CLASP1: variants seen among roughly 807,000 people sequenced by gnomAD.
CLASP1 encodes cytoplasmic linker associated protein 1.
A neutral mutation model predicts 192.3 loss-of-function variants in CLASP1; 38 were observed. The ratio of observed to expected loss-of-function variants is 0.20; its 90% confidence interval spans 0.15 to 0.26. CLASP1 has a LOEUF of 0.26. Among genes scored for constraint, CLASP1 ranks in the 10% least tolerant of loss-of-function variants. The probability of loss-of-function intolerance (pLI) is 1.00; values close to 1 mark genes in which losing one functional copy is unlikely to be tolerated. For synonymous variants in CLASP1, 691 were observed against 712.8 expected (o/e 0.97, Z 0.49); for missense variants, 1,433 against 1,932.5 (o/e 0.74, Z 4.85).
chr2:121,618,556 T>C (rs2066822645), intron 1 of CLASP1, among the ~76,000 whole-genome samples: 2 of 152,180 alleles, frequency 1.3e-5, no homozygotes, highest in African/African-American at 2.4e-5. Context: ...ATTCCATACA[T>C]ACACCAAGAA....
At chr2:121,415,280 T>G (rs770573710) in intron 23 of CLASP1, among the ~76,000 whole-genome samples, 1 of 152,206 alleles carries the variant, frequency 6.6e-6, no homozygotes, top group Non-Finnish European at 1.5e-5. Context: ...AGTATCTTGT[T>G]TGTAAAATGG....
intron 5 of CLASP1, among the ~76,000 whole-genome samples, chr2:121,526,656 T>C (rs2094582374): frequency 6.6e-6 from 1 of 152,110 alleles, no homozygotes; most frequent in Admixed American, 6.5e-5. Flanking sequence ...ACAAGTAATA[T>C]AAACATTATA....
chr2:121,503,020 C>T, intron 8 of CLASP1, 147 bp downstream of exon 8: 1 of 599,764 alleles, frequency 1.7e-6, no homozygotes. Context: ...TGCATTGTTT[C>T]TGGCCTGGAA....
At position 121,398,419 on chromosome 2, in the gene CLASP1, A is replaced by C; in HGVS notation, c.2901-19T>G. On this transcript the variant is annotated intron_variant, in intron 28 of 39. Coordinates refer to ENST00000263710, the Ensembl canonical transcript of CLASP1. ...GGAGTCCCTAGGTTGGTGGGAAAAA[A>C]GTGCTTATTTTTAAAGAAATTTATT... 2.0e-6 allele frequency: 3 copies of C among 1,521,930 alleles called. No individual in the cohort carries two copies. The highest frequency in any genetic ancestry group is 2.7e-6 in the Non-Finnish European group (3 of 1,119,162). The allele number at this position is 1,521,930 out of a possible 1,614,324, so 94.3% of individuals were successfully genotyped here. A position where few individuals can be genotyped will look rare whatever the true frequency, so the allele number is the denominator to read the frequency against.
intron 9 of CLASP1, among the ~76,000 whole-genome samples, chr2:121,466,273 A>T (rs1369325756): frequency 1.3e-5 from 2 of 152,242 alleles, no homozygotes; most frequent in Non-Finnish European, 2.9e-5. Context: ...TTTAAAATAC[A>T]CCAAAAAAAT....
intron 2 of CLASP1, among the ~76,000 whole-genome samples, chr2:121,562,208 C>T (rs1239988964): frequency 1.3e-5 from 2 of 152,192 alleles, no homozygotes; most frequent in East Asian, 1.9e-4. Flanking sequence ...CTCCTCTGAG[C>T]AAAGCCCAGC....
intron 2 of CLASP1, among the ~76,000 whole-genome samples, chr2:121,536,966 A>G (rs1245821124): frequency 6.6e-6 from 1 of 152,220 alleles, no homozygotes; most frequent in East Asian, 1.9e-4. Flanking sequence ...ACAATTAGAA[A>G]TAACTTTTAA....
chr2:121,503,549 T>A (rs1210482974), intron 7 of CLASP1, among the ~76,000 whole-genome samples: 3 of 152,224 alleles, frequency 2.0e-5, no homozygotes. Flanking sequence ...CTGACATTAC[T>A]GACTACTCTA....
chr2:121,589,594 C>T (rs1385956644), intron 2 of CLASP1, among the ~76,000 whole-genome samples: 4 of 149,356 alleles, frequency 2.7e-5, no homozygotes, highest in African/African-American at 7.4e-5. Context: ...CGTACCATTG[C>T]ACTCCAGCCT....
At chr2:121,530,975 CTTTTGCTTTA>C in intron 2 of CLASP1, 2 of 700,418 alleles carry the variant, frequency 2.9e-6, no homozygotes, top group South Asian at 1.5e-5. Flanking sequence ...TCAACTAGAG[CTTTTGCTTTA>C]TTTTGGTGCA....
chr2:121,392,046 T>A (rs144127824), intron 30 of CLASP1, among the ~76,000 whole-genome samples: 1 of 152,224 alleles, frequency 6.6e-6, no homozygotes, highest in South Asian at 2.1e-4. Context: ...AGATATCTCA[T>A]CTTTTGAAGG....
intron 2 of CLASP1, among the ~76,000 whole-genome samples, chr2:121,553,386 A>C (rs896928798): frequency 2.0e-5 from 3 of 152,168 alleles, no homozygotes; most frequent in Non-Finnish European, 4.4e-5. Context: ...AATAAAATAA[A>C]ATAGCAAGGT....
chr2:121,403,994 A>G (rs1359674883), intron 26 of CLASP1, among the ~76,000 whole-genome samples: 1 of 152,216 alleles, frequency 6.6e-6, no homozygotes, highest in Non-Finnish European at 1.5e-5. Flanking sequence ...AAATAATTAT[A>G]TACTTATTTT....
chr2:121,517,235 C>T (rs995749278), intron 6 of CLASP1, among the ~76,000 whole-genome samples: 1 of 151,966 alleles, frequency 6.6e-6, no homozygotes, highest in Non-Finnish European at 1.5e-5. Flanking sequence ...TAAAATGGAA[C>T]CAAGGCCAGG....
intron 2 of CLASP1, among the ~76,000 whole-genome samples, chr2:121,566,118 T>C (rs1488378396): frequency 6.6e-6 from 1 of 152,160 alleles, no homozygotes; most frequent in Non-Finnish European, 1.5e-5. Flanking sequence ...ACAATTCTAA[T>C]GAGACCAGCC....
At chr2:121,572,927 T>C (rs933755700) in intron 2 of CLASP1, among the ~76,000 whole-genome samples, 1 of 152,182 alleles carries the variant, frequency 6.6e-6, no homozygotes, top group Non-Finnish European at 1.5e-5. Context: ...AACCCAGAGC[T>C]GAACTAAAAT....
Position 121,390,506 on chromosome 2 carries a change from G to C in CLASP1, c.3124-2600C>G, listed in dbSNP as rs2074153801. ...CTCATAGAGGAATTTGAGAGGTGGG[G>C]TTTGTAAAAGGTTCTTCACATCTCA... On this transcript the variant is annotated intron_variant, in intron 30 of 39. Transcript: ENST00000263710. Among the ~76,000 whole-genome samples, 3 of 152,220 alleles carry C rather than the reference G, an allele frequency of 2.0e-5. No homozygotes were observed. The South Asian group carries it at 6.2e-4, about 32-fold the overall frequency.
intron 19 of CLASP1, among the ~76,000 whole-genome samples, chr2:121,444,425 G>C (rs1452025949): frequency 6.6e-6 from 1 of 152,152 alleles, no homozygotes; most frequent in Non-Finnish European, 1.5e-5. Context: ...CTTTAGAGGA[G>C]AGAAAAATAT....
At chr2:121,429,778 C>A (rs961065317) in intron 20 of CLASP1, among the ~76,000 whole-genome samples, 1 of 152,166 alleles carries the variant, frequency 6.6e-6, no homozygotes, top group Admixed American at 6.5e-5. Flanking sequence ...AAATGAGTCA[C>A]AGAACAGATA....
Sources: allele counts gnomAD v4.1 joint callset (sites outside exome capture counted in the v4.1 genomes callset), GRCh38; gene constraint gnomAD v4.1.1; transcripts MANE v1.5; gene names NCBI Gene and HGNC (gene_info 2026-07-23, HGNC 2026-07-21).